Variants in TSPAN5 observed in about 807,000 individuals in gnomAD.
TSPAN5 encodes the protein tetraspanin 5, also known as tetraspanin-5.
Under a neutral mutation model 37.1 loss-of-function variants are expected in TSPAN5, and 10 were observed. That is an observed-to-expected ratio of 0.27 (90% confidence interval 0.17 to 0.46). The LOEUF is 0.46. Ranked by LOEUF, TSPAN5 falls within the 20% of genes least tolerant of loss-of-function variation. The pLI, the probability that TSPAN5 is intolerant of heterozygous loss-of-function variation, is 1.00. For missense variants in TSPAN5, 195 were observed against 326.6 expected (o/e 0.60, Z 3.11); for synonymous variants, 110 against 118.9 (o/e 0.93, Z 0.48).
intron 2 of TSPAN5, among the ~76,000 whole-genome samples, chr4:98,502,008 T>C (rs555854809): frequency 1.3e-3 from 204 of 152,240 alleles, no homozygotes; most frequent in Non-Finnish European, 2.4e-3. Flanking sequence ...AGAAATCGGA[T>C]TTTCAATATA....
At chr4:98,578,560 C>A (rs897508235) in intron 1 of TSPAN5, among the ~76,000 whole-genome samples, 5 of 152,116 alleles carry the variant, frequency 3.3e-5, no homozygotes, top group African/African-American at 9.7e-5. Flanking sequence ...CCTGGGATTA[C>A]AGGCACACAC....
chr4:98,606,295 A>G (rs543340245), intron 1 of TSPAN5, among the ~76,000 whole-genome samples: 82 of 152,334 alleles, frequency 5.4e-4, no homozygotes, highest in African/African-American at 1.9e-3. Context: ...GTCTTACCCC[A>G]TTCTGAAAGG....
At chr4:98,517,013 G>A (rs542364475) in intron 1 of TSPAN5, among the ~76,000 whole-genome samples, 40 of 152,266 alleles carry the variant, frequency 2.6e-4, no homozygotes, top group South Asian at 4.2e-4. Context: ...ACCCAGTCTC[G>A]GGTATTCTAT....
intron 1 of TSPAN5, among the ~76,000 whole-genome samples, chr4:98,557,659 T>C (rs1464106336): frequency 6.6e-6 from 1 of 152,206 alleles, no homozygotes; most frequent in Non-Finnish European, 1.5e-5. Context: ...AGTGGCCTCC[T>C]TCCAAAGGAG....
intron 1 of TSPAN5, among the ~76,000 whole-genome samples, chr4:98,598,466 G>T (rs1411125040): frequency 6.8e-6 from 1 of 148,110 alleles, no homozygotes; most frequent in Non-Finnish European, 1.5e-5. Flanking sequence ...CCTCCCTCCT[G>T]TTTTTTTTTT....
At chr4:98,632,845 C>T (rs1487459347) in intron 1 of TSPAN5, among the ~76,000 whole-genome samples, 5 of 152,100 alleles carry the variant, frequency 3.3e-5, no homozygotes, top group Non-Finnish European at 7.4e-5. Context: ...TGCAGGTGGG[C>T]CCTGAAGGAG....
Position 98,476,468 on chromosome 4 carries a change from AG to A in TSPAN5, c.577-9del. 6.2e-7 allele frequency: 1 copy of A among 1,614,082 alleles called. No homozygotes were observed. The highest frequency in any genetic ancestry group is 1.1e-5 in the South Asian group (1 of 91,038). On this transcript the variant is annotated splice_polypyrimidine_tract_variant and intron_variant, in intron 5 of 7. Transcript: ENST00000305798. The stretch of plus-strand genomic sequence containing the variant: ...AGTGTTGATGACATCTTCCTGGTGA[AG>A]AAAGGAAAGAGAAAAGTGAAATTTA...
chr4:98,630,482 C>T (rs1274814281), intron 1 of TSPAN5, among the ~76,000 whole-genome samples: 1 of 152,208 alleles, frequency 6.6e-6, no homozygotes, highest in Non-Finnish European at 1.5e-5. Flanking sequence ...GCACAAGAAT[C>T]ACCTTAATCC....
At chr4:98,629,728 G>T (rs944192275) in intron 1 of TSPAN5, among the ~76,000 whole-genome samples, 7 of 152,108 alleles carry the variant, frequency 4.6e-5, no homozygotes, top group African/African-American at 1.7e-4. Context: ...CAGGTTTAAA[G>T]AAAATCCCCA....
At chr4:98,502,711 A>C (rs745514241) in intron 2 of TSPAN5, among the ~76,000 whole-genome samples, 2 of 152,154 alleles carry the variant, frequency 1.3e-5, no homozygotes, top group Non-Finnish European at 2.9e-5. Context: ...ATGTAATGAC[A>C]AGTAGATGGA....
At chr4:98,604,438 G>C (rs1478421945) in intron 1 of TSPAN5, among the ~76,000 whole-genome samples, 1 of 152,148 alleles carries the variant, frequency 6.6e-6, no homozygotes, top group Non-Finnish European at 1.5e-5. Flanking sequence ...CCTTGACACG[G>C]TGCTGTTCTG....
intron 1 of TSPAN5, among the ~76,000 whole-genome samples, chr4:98,554,309 TA>T (rs1176313477): frequency 6.6e-6 from 1 of 152,208 alleles, no homozygotes; most frequent in Non-Finnish European, 1.5e-5. Flanking sequence ...GCGGTGTTTT[TA>T]AAAATAGGAA....
intron 1 of TSPAN5, chr4:98,657,781 C>A (rs1007101506): frequency 2.0e-5 from 6 of 298,030 alleles, no homozygotes; most frequent in Admixed American, 1.1e-4. Context: ...TATTATGACA[C>A]CACGCTCTGC....
intron 1 of TSPAN5, among the ~76,000 whole-genome samples, chr4:98,557,001 T>C (rs1352059274): frequency 1.3e-5 from 2 of 152,178 alleles, no homozygotes; most frequent in African/African-American, 2.4e-5. Context: ...TATTACCACA[T>C]TGTATTATAA....
chr4:98,485,763 T>G (rs78153759), intron 3 of TSPAN5, among the ~76,000 whole-genome samples: 1 of 93,746 alleles, frequency 1.1e-5, no homozygotes, highest in Non-Finnish European at 2.2e-5. Flanking sequence ...TTGGATATGC[T>G]TTTTTTTTTT....
intron 2 of TSPAN5, among the ~76,000 whole-genome samples, chr4:98,505,291 T>A (rs1409748685): frequency 2.0e-5 from 3 of 152,152 alleles, no homozygotes; most frequent in Non-Finnish European, 2.9e-5. Flanking sequence ...GTACCTAGAA[T>A]ATATCCAAAC....
At chr4:98,642,270 G>A (rs1308601298) in intron 1 of TSPAN5, among the ~76,000 whole-genome samples, 1 of 152,180 alleles carries the variant, frequency 6.6e-6, no homozygotes, top group Non-Finnish European at 1.5e-5. Context: ...GAAGGGGGCA[G>A]GTGAGGGAAA....
intron 1 of TSPAN5, among the ~76,000 whole-genome samples, chr4:98,619,885 A>C (rs1756442043): frequency 6.6e-6 from 1 of 152,106 alleles, no homozygotes; most frequent in Non-Finnish European, 1.5e-5. Flanking sequence ...AGGGGCAAAC[A>C]AGCTTCCCCA....
intron 3 of TSPAN5, chr4:98,482,385 G>A: frequency 2.3e-6 from 1 of 443,242 alleles, no homozygotes. Context: ...ACATTTTAGG[G>A]TCTCTAGTGT....
Sources: gnomAD v4.1 joint callset for allele counts (sites outside exome capture counted in the v4.1 genomes callset) on GRCh38, gnomAD v4.1.1 for gene constraint, MANE v1.5 for transcripts, NCBI Gene and HGNC (gene_info 2026-07-23, HGNC 2026-07-21) for gene names.